NFAT5: variants seen among roughly 807,000 people sequenced by gnomAD.
NFAT5 encodes nuclear factor of activated T cells 5.
A neutral mutation model predicts 166.5 loss-of-function variants in NFAT5; 31 were observed. The ratio of observed to expected loss-of-function variants is 0.19; its 90% confidence interval spans 0.14 to 0.25. NFAT5 has a LOEUF of 0.25. Ranked by LOEUF, NFAT5 falls within the 10% of genes least tolerant of loss-of-function variation. NFAT5 has a pLI of 1.00. For missense variants in NFAT5, 1,449 were observed against 1,821.8 expected, an observed-to-expected ratio of 0.80 and a Z score of 3.72; for synonymous variants, 612 against 639.7, an observed-to-expected ratio of 0.96 and a Z score of 0.65.
chr16:69,669,523 C>T (rs990715962), intron 7 of NFAT5, among the ~76,000 whole-genome samples: 2 of 151,872 alleles, frequency 1.3e-5, no homozygotes, highest in African/African-American at 4.8e-5. Flanking sequence ...CTAGCCTGGG[C>T]GACAGAGTGA....
At chr16:69,609,367 T>G (rs894331689) in intron 2 of NFAT5, among the ~76,000 whole-genome samples, 1 of 152,172 alleles carries the variant, frequency 6.6e-6, no homozygotes, top group African/African-American at 2.4e-5. Context: ...TAAACCCCTA[T>G]TCAGTAGTCG....
intron 9 of NFAT5, among the ~76,000 whole-genome samples, chr16:69,676,155 G>A (rs906281193): frequency 1.8e-4 from 28 of 152,192 alleles, no homozygotes; most frequent in African/African-American, 5.5e-4. Context: ...CTGCAAATCA[G>A]ATCATTAGTG....
At chr16:69,614,841 C>T (rs1267243011) in intron 2 of NFAT5, among the ~76,000 whole-genome samples, 1 of 150,372 alleles carries the variant, frequency 6.7e-6, no homozygotes, top group Non-Finnish European at 1.5e-5. Flanking sequence ...TGAAATCATT[C>T]CTTGGTGTTT....
rs143147952 is a variant in NFAT5 at position 69,668,940 on chromosome 16, G to A, written c.1370-1037G>A. The stretch of plus-strand genomic sequence containing the variant: ...TTTTCTTATATTTCTTCACACGTAA[G>A]TACTTAACACCGGTGCAGTCATGAC... On this transcript the variant is annotated intron_variant, in intron 7 of 14. Transcript: ENST00000349945. Among the ~76,000 whole-genome samples, 807 of 152,190 alleles carry A rather than the reference G, an allele frequency of 5.3e-3. 8 individuals are homozygous for A. Among genetic ancestry groups the A allele is most frequent in the African/African-American group, 0.019 (772 of 41,506 alleles).
At chr16:69,672,340 G>T (rs1597516632) in intron 9 of NFAT5, among the ~76,000 whole-genome samples, 1 of 152,214 alleles carries the variant, frequency 6.6e-6, no homozygotes, top group Admixed American at 6.5e-5. Context: ...AGCAATCTGT[G>T]TTAACTAAGT....
rs2016081676 is a variant in NFAT5, at chr16:69,566,834, G to T, written c.73+460G>T. ...AAGCGGGCGGCGTGGCCTGGAGCCG[G>T]TTCTGAGTGCAGGGTCACCATTTTC... On this transcript the variant is annotated intron_variant, in intron 1 of 14. Coordinates refer to ENST00000349945, the MANE Select transcript of NFAT5 (RefSeq NM_138713.4). This position sits in a 1 kb window ranked among gnomAD's most constrained non-coding sequence, Gnocchi z 5.7. 6.6e-6 allele frequency among the ~76,000 whole-genome samples: 1 copy of T among 152,174 alleles called. No individual in the cohort carries two copies. The highest frequency in any genetic ancestry group is 2.1e-4 in the South Asian group (1 of 4,836).
intron 2 of NFAT5, 82 bp downstream of exon 2, chr16:69,568,630 A>C: frequency 9.3e-7 from 1 of 1,077,126 alleles, no homozygotes; most frequent in Non-Finnish European, 1.4e-6. Flanking sequence ...GGAAAGTATG[A>C]AACTTTGCAA....
At chr16:69,595,488 G>A (rs1375348122) in intron 2 of NFAT5, among the ~76,000 whole-genome samples, 3 of 152,096 alleles carry the variant, frequency 2.0e-5, no homozygotes, top group Non-Finnish European at 4.4e-5. Context: ...GGTAAACCAT[G>A]TTTTCTGTTC....
At chr16:69,577,773 T>C (rs1321256114) in intron 2 of NFAT5, among the ~76,000 whole-genome samples, 1 of 152,204 alleles carries the variant, frequency 6.6e-6, no homozygotes, top group Non-Finnish European at 1.5e-5. Flanking sequence ...GGTGCATTTC[T>C]ATACTTCTAT....
intron 2 of NFAT5, among the ~76,000 whole-genome samples, chr16:69,570,417 A>G (rs1164447827): frequency 6.6e-6 from 1 of 152,064 alleles, no homozygotes; most frequent in Non-Finnish European, 1.5e-5. Context: ...CCATATACCC[A>G]TCACCACAGT....
intron 2 of NFAT5, among the ~76,000 whole-genome samples, chr16:69,617,495 C>T (rs1275857362): frequency 3.5e-5 from 5 of 142,196 alleles, no homozygotes; most frequent in African/African-American, 1.3e-4. Context: ...ATTTTCTTTT[C>T]TTTTTTTTTT....
chr16:69,667,335 T>A (rs560082426), intron 7 of NFAT5, among the ~76,000 whole-genome samples: 148 of 150,058 alleles, frequency 9.9e-4, no homozygotes, highest in African/African-American at 3.4e-3. Flanking sequence ...ATAATACATT[T>A]AAAAAAAAAA....
chr16:69,594,629 GGC>G (rs2151530914), intron 2 of NFAT5, among the ~76,000 whole-genome samples: 1 of 152,194 alleles, frequency 6.6e-6, no homozygotes, highest in South Asian at 2.1e-4. Flanking sequence ...AAACATATGT[GGC>G]ACATGACTGT....
At chr16:69,667,129 A>G (rs1346160665) in intron 7 of NFAT5, among the ~76,000 whole-genome samples, 1 of 138,302 alleles carries the variant, frequency 7.2e-6, no homozygotes, top group African/African-American at 2.7e-5. Flanking sequence ...CAATGAGAAC[A>G]CATGGACACA....
intron 3 of NFAT5, among the ~76,000 whole-genome samples, chr16:69,639,049 T>C (rs753053973): frequency 1.3e-5 from 2 of 152,212 alleles, no homozygotes; most frequent in Non-Finnish European, 2.9e-5. Context: ...GTTTAAATTA[T>C]TGGAGATAGA....
chr16:69,597,171 C>G, intron 2 of NFAT5, among the ~76,000 whole-genome samples: 1 of 151,944 alleles, frequency 6.6e-6, no homozygotes, highest in Non-Finnish European at 1.5e-5. Flanking sequence ...TTCAGTATGG[C>G]TGGATTATAG....
At chr16:69,584,131 C>T (rs2031881983) in intron 2 of NFAT5, among the ~76,000 whole-genome samples, 1 of 152,034 alleles carries the variant, frequency 6.6e-6, no homozygotes, top group African/African-American at 2.4e-5. Context: ...GAGGTTGAGG[C>T]AGGGGAATCG....
At chr16:69,633,980 A>T (rs909297027) in intron 3 of NFAT5, among the ~76,000 whole-genome samples, 3 of 151,984 alleles carry the variant, frequency 2.0e-5, no homozygotes, top group Admixed American at 6.6e-5. Flanking sequence ...AAATAAAATT[A>T]AAAAAATCAT....
chr16:69,568,507 T>G lies in NFAT5; in HGVS notation c.86T>G (p.Leu29Ter), dbSNP rs1224723656. Residue 29 changes from leucine (L) to a stop codon, truncating the protein, a stop_gained, in exon 2 of 15, where the codon TTA (leucine) becomes TGA (stop). Coordinates refer to ENST00000349945, the MANE Select transcript of NFAT5 (RefSeq NM_138713.4). LOFTEE classifies it high-confidence loss of function. ...TTGTGTTTTTCAGATTCTCTGAAGT[T>G]ACACCCATCACAGAATTTTCATAGA... ...KSLYSRDSLK[L>*]HPSQNFHRAG... The G allele has an allele frequency of 6.2e-7, 1 of 1,613,224 alleles. No individual in the cohort carries two copies. Among genetic ancestry groups the G allele is most frequent in the South Asian group, 1.1e-5 (1 of 90,940 alleles).
Sources: allele counts gnomAD v4.1 joint callset (sites outside exome capture counted in the v4.1 genomes callset), GRCh38; gene constraint gnomAD v4.1.1; non-coding constraint Gnocchi (gnomAD v3.1); transcripts MANE v1.5; gene names NCBI Gene and HGNC (gene_info 2026-07-23, HGNC 2026-07-21).